The following CRISPLD2 variants were observed in gnomAD, a reference collection of about 807,000 sequenced individuals.
CRISPLD2 encodes cysteine-rich secretory protein LCCL domain-containing 2.
Under a neutral mutation model 71.1 loss-of-function variants are expected in CRISPLD2, and 47 were observed. The observed-to-expected ratio is 0.66, with a 90% CI of 0.52 to 0.84. The LOEUF is 0.84. CRISPLD2 is among the 40% of genes least tolerant of loss of function. The probability of loss-of-function intolerance (pLI) is 0.00; values close to 1 mark genes in which losing one functional copy is unlikely to be tolerated. For synonymous variants in CRISPLD2, 317 were observed against 250.1 expected (o/e 1.27, Z -2.52); for missense variants, 830 against 651.1 (o/e 1.27, Z -2.99).
chr16:84,884,744 C>T (rs2071597580), intron 13 of CRISPLD2, among the ~76,000 whole-genome samples: 1 of 152,208 alleles, frequency 6.6e-6, no homozygotes, highest in African/African-American at 2.4e-5. Context: ...GCTTTTCGTA[C>T]TGACGCCCTG....
intron 8 of CRISPLD2, 89 bp from the exon 9 acceptor site, chr16:84,872,353 A>T: frequency 9.5e-7 from 1 of 1,054,660 alleles, no homozygotes; most frequent in Non-Finnish European, 1.5e-6. Flanking sequence ...ATTTAGTAAT[A>T]GAGCCATCGA....
At chr16:84,835,893 C>A (rs1162352543) in intron 1 of CRISPLD2, among the ~76,000 whole-genome samples, 1 of 152,208 alleles carries the variant, frequency 6.6e-6, no homozygotes, top group Non-Finnish European at 1.5e-5. Context: ...TTTGACTCCT[C>A]CTGTTTTCTC....
chr16:84,863,997 A>AAAAAGAAAAG (rs3028116), intron 6 of CRISPLD2, among the ~76,000 whole-genome samples: 8 of 145,924 alleles, frequency 5.5e-5, no homozygotes, highest in East Asian at 2.0e-4. Context: ...AGAGAGAAAA[A>AAAAAGAAAAG]AAAAGAAAAG....
At chr16:84,864,381 C>G (rs1265617796) in intron 6 of CRISPLD2, among the ~76,000 whole-genome samples, 1 of 152,198 alleles carries the variant, frequency 6.6e-6, no homozygotes, top group African/African-American at 2.4e-5. Flanking sequence ...ACCAAACTGT[C>G]TTCGGCTAAA....
chr16:84,866,238 G>GTTTTTTT (rs149109786), intron 6 of CRISPLD2, among the ~76,000 whole-genome samples: 2 of 148,356 alleles, frequency 1.3e-5, no homozygotes. Flanking sequence ...TTTGTTTTTT[G>GTTTTTTT]GTTTTTTTTT....
intron 1 of CRISPLD2, among the ~76,000 whole-genome samples, chr16:84,831,483 T>C (rs1414902515): frequency 6.6e-6 from 1 of 152,114 alleles, no homozygotes; most frequent in Non-Finnish European, 1.5e-5. Context: ...AGTCTGCATC[T>C]CCCAGGCTCA....
chr16:84,878,633 C>T (rs1394471166), intron 12 of CRISPLD2, among the ~76,000 whole-genome samples: 1 of 152,172 alleles, frequency 6.6e-6, no homozygotes, highest in Admixed American at 6.5e-5. Context: ...GACGATGCCT[C>T]CCAGCATAAA....
At chr16:84,878,297 G>A (rs957040602) in intron 12 of CRISPLD2, among the ~76,000 whole-genome samples, 1 of 139,754 alleles carries the variant, frequency 7.2e-6, no homozygotes. Context: ...TCAAAGTGTA[G>A]ACATTGTCAG....
intron 14 of CRISPLD2, among the ~76,000 whole-genome samples, chr16:84,891,005 G>A (rs780821949): frequency 2.0e-5 from 3 of 152,160 alleles, no homozygotes; most frequent in Non-Finnish European, 2.9e-5. Flanking sequence ...GACCTCAGGT[G>A]ATCTGCCTGG....
At chr16:84,896,391 GAC>G (rs149839266) in intron 14 of CRISPLD2, among the ~76,000 whole-genome samples, 18 of 151,820 alleles carry the variant, frequency 1.2e-4, no homozygotes, top group Non-Finnish European at 1.6e-4. Flanking sequence ...TATAGAGAGA[GAC>G]ACACACACAC....
intron 14 of CRISPLD2, among the ~76,000 whole-genome samples, chr16:84,894,504 T>G (rs2071689119): frequency 1.3e-5 from 2 of 152,154 alleles, no homozygotes; most frequent in African/African-American, 4.8e-5. Flanking sequence ...CGCTAGGGAC[T>G]GGGGACACTG....
intron 14 of CRISPLD2, among the ~76,000 whole-genome samples, chr16:84,892,935 C>G (rs1309211800): frequency 2.0e-5 from 3 of 148,464 alleles, no homozygotes; most frequent in African/African-American, 7.5e-5. Flanking sequence ...GAGATTCCAC[C>G]ACTGTACTCC....
At chr16:84,882,400 T>C (rs934425407) in intron 13 of CRISPLD2, among the ~76,000 whole-genome samples, 2 of 118,280 alleles carry the variant, frequency 1.7e-5, no homozygotes, top group African/African-American at 3.1e-5. Context: ...TTTGCAACAA[T>C]AGAAGGCTAC....
intron 14 of CRISPLD2, among the ~76,000 whole-genome samples, chr16:84,902,390 G>T (rs749003621): frequency 2.0e-5 from 3 of 151,532 alleles, no homozygotes; most frequent in Non-Finnish European, 4.4e-5. Flanking sequence ...AGGGTGGATC[G>T]CAAGGTCAGG....
intron 2 of CRISPLD2, 197 bp downstream of exon 2, chr16:84,838,932 A>T (rs1315909417): frequency 9.1e-6 from 7 of 767,468 alleles, no homozygotes; most frequent in South Asian, 8.8e-5. Flanking sequence ...TCTGCCACTG[A>T]CGCTGGAGTG....
chr16:84,841,795 A>T (rs757793234), intron 2 of CRISPLD2, among the ~76,000 whole-genome samples: 6 of 152,238 alleles, frequency 3.9e-5, no homozygotes, highest in Non-Finnish European at 5.9e-5. Flanking sequence ...GGTGTTTGCC[A>T]TGTTGGCCAG....
intron 13 of CRISPLD2, among the ~76,000 whole-genome samples, chr16:84,882,169 T>C (rs924279101): frequency 2.0e-5 from 3 of 151,894 alleles, no homozygotes; most frequent in African/African-American, 4.8e-5. Flanking sequence ...CCCAGCCAAA[T>C]ACAAACAAAC....
chr16:84,897,925 C>G (rs1567706595), intron 14 of CRISPLD2, among the ~76,000 whole-genome samples: 1 of 152,156 alleles, frequency 6.6e-6, no homozygotes, highest in African/African-American at 2.4e-5. Context: ...CTTAAACACG[C>G]TTTTTAAAAA....
chr16:84,873,372 C>G (rs1203698906), intron 10 of CRISPLD2: 4 of 278,914 alleles, frequency 1.4e-5, no homozygotes, highest in South Asian at 9.7e-5. Context: ...CAGCTACTCT[C>G]AGGAGGCTAC....
Sources: gnomAD v4.1 joint callset for allele counts (sites outside exome capture counted in the v4.1 genomes callset) on GRCh38, gnomAD v4.1.1 for gene constraint, MANE v1.5 for transcripts, NCBI Gene and HGNC (gene_info 2026-07-23, HGNC 2026-07-21) for gene names.